The following PTPRT variants were observed in gnomAD, a reference collection of about 807,000 sequenced individuals.
The protein encoded by PTPRT is receptor-type tyrosine-protein phosphatase T.
Under a neutral mutation model 176.8 loss-of-function variants are expected in PTPRT, and 56 were observed. The ratio of observed to expected loss-of-function variants is 0.32; its 90% CI spans 0.26 to 0.40. The LOEUF (loss-of-function observed/expected upper bound fraction) is 0.40, where lower values mean the gene tolerates loss of function less well. PTPRT is among the 10% of genes least tolerant of loss of function. PTPRT has a pLI of 1.00. For missense variants in PTPRT, 1,540 were observed against 1,908.2 expected, an observed-to-expected ratio of 0.81 and a Z score of 3.60; for synonymous variants, 783 against 739.0, an observed-to-expected ratio of 1.06 and a Z score of -0.96.
chr20:43,158,310 T>C (rs544332027), intron 1 of PTPRT, among the ~76,000 whole-genome samples: 1 of 152,278 alleles, frequency 6.6e-6, no homozygotes, highest in East Asian at 1.9e-4. Context: ...TGGAGCTGGT[T>C]TGGAGAATTA....
intron 6 of PTPRT, among the ~76,000 whole-genome samples, chr20:42,730,531 A>G (rs905732632): frequency 6.6e-6 from 1 of 152,226 alleles, no homozygotes; most frequent in Non-Finnish European, 1.5e-5. Flanking sequence ...GGAAGAGAGG[A>G]ACAGAGCAGT....
the PTPRT span, among the ~76,000 whole-genome samples, chr20:42,056,798 G>A: frequency 2.8e-4 from 43 of 152,310 alleles, 1 homozygote; most frequent in Admixed American, 1.2e-3. Context: ...AGCATAATCT[G>A]GGGCTGTCTT....
Position 42,870,453 on chromosome 20 carries a change from T to G in PTPRT, c.214+15354A>C, listed in dbSNP as rs149135887. ...TCCATCTCTTGGCTACTGTGAATAA[T>G]GCTACAATTAACGAGTGTGTAAATA... On this transcript the variant is annotated intron_variant, in intron 2 of 30. Coordinates refer to ENST00000373187, the MANE Select transcript of PTPRT (RefSeq NM_007050.6). 3.7e-3 allele frequency among the ~76,000 whole-genome samples: 568 copies of G among 152,378 alleles called. 7 individuals carry two copies. The highest frequency in any genetic ancestry group is 0.023 in the South Asian group (110 of 4,826).
intron 1 of PTPRT, among the ~76,000 whole-genome samples, chr20:43,162,970 C>T (rs1334847869): frequency 6.6e-6 from 1 of 152,200 alleles, no homozygotes; most frequent in Non-Finnish European, 1.5e-5. Context: ...CGGTGAGCTC[C>T]TTGAGGACAG....
At position 42,080,396 on chromosome 20, in the gene PTPRT, T is replaced by G. The variant is rs1983201923; in HGVS notation, c.*483A>C. The stretch of plus-strand genomic sequence containing the variant: ...GCAAATGTCTGGTGCCAGAGGCCCC[T>G]GAAGGAGGTTGCAGGGGGCAGCAGA... On this transcript the variant is annotated 3_prime_UTR_variant, in exon 31 of 31. Coordinates refer to ENST00000373187, the MANE Select transcript of PTPRT (RefSeq NM_007050.6). 4.3e-6 allele frequency: 1 copy of G among 233,370 alleles called. No individual in the cohort carries two copies. The allele number at this position is 233,370 out of a possible 1,614,324, so 14.5% of individuals were successfully genotyped here. A position where few individuals can be genotyped will look rare whatever the true frequency, so the allele number is the denominator to read the frequency against.
At chr20:42,465,093 T>C (rs544859628) in intron 8 of PTPRT, among the ~76,000 whole-genome samples, 10 of 151,920 alleles carry the variant, frequency 6.6e-5, no homozygotes, top group African/African-American at 2.4e-4. Context: ...ATCAATTACA[T>C]TATATGTAAT....
rs754609148 is a variant in PTPRT at position 42,104,698 on chromosome 20, G to A, written c.3411C>T (p.His1137=). Residue 1137 remains histidine (H), a synonymous_variant, in exon 25 of 31, where the codon CAC becomes CAT. Coordinates refer to ENST00000373187, the MANE Select transcript of PTPRT (RefSeq NM_007050.6). ...VQTEEQYVFV[H]DAILEACLCG... ...AGAGGCACGCTTCCAGGATGGCATC[G>A]TGCACAAACACATATTGCTCCTGCA... The A allele has an allele frequency of 1.5e-5, 24 of 1,586,266 alleles. No homozygotes were observed. The highest frequency in any genetic ancestry group is 6.7e-5 in the African/African-American group (5 of 74,304).
chr20:42,980,560 GTC>G (rs760435993), intron 1 of PTPRT, among the ~76,000 whole-genome samples: 3 of 152,194 alleles, frequency 2.0e-5, no homozygotes, highest in Admixed American at 6.5e-5. Context: ...TGCCTAAGCT[GTC>G]TCTAAATGGT....
chr20:42,425,045 G>A (rs558802179), intron 9 of PTPRT, among the ~76,000 whole-genome samples: 2 of 152,152 alleles, frequency 1.3e-5, no homozygotes, highest in East Asian at 1.9e-4. Flanking sequence ...GGTTGAGGGG[G>A]AAGAAAGGCC....
At chr20:43,126,585 C>T (rs899721177) in intron 1 of PTPRT, among the ~76,000 whole-genome samples, 3 of 152,202 alleles carry the variant, frequency 2.0e-5, no homozygotes, top group Non-Finnish European at 4.4e-5. Flanking sequence ...TTTTCTTCAA[C>T]TGTCCCTTTT....
At chr20:42,270,493 G>C in intron 13 of PTPRT, 1 of 1,537,898 alleles carries the variant, frequency 6.5e-7, no homozygotes, top group Non-Finnish European at 8.8e-7. Context: ...GCATGCAGAA[G>C]AGAAGGAGAG....
At chr20:43,130,721 C>T (rs1301226119) in intron 1 of PTPRT, among the ~76,000 whole-genome samples, 3 of 150,992 alleles carry the variant, frequency 2.0e-5, no homozygotes, top group African/African-American at 4.9e-5. Context: ...GAAAAAGAGG[C>T]CAAGGGCTCT....
At chr20:42,153,188 T>C (rs1425858553) in intron 17 of PTPRT, among the ~76,000 whole-genome samples, 1 of 152,266 alleles carries the variant, frequency 6.6e-6, no homozygotes. Flanking sequence ...GAGCTTTCTT[T>C]AAAGCAGCAT....
At chr20:42,454,393 T>A (rs1333514242) in intron 8 of PTPRT, among the ~76,000 whole-genome samples, 1 of 152,232 alleles carries the variant, frequency 6.6e-6, no homozygotes, top group East Asian at 1.9e-4. Context: ...AGGGCTTATC[T>A]ATCTTTGTTT....
chr20:42,336,372 T>A (rs1420897785), intron 11 of PTPRT, among the ~76,000 whole-genome samples: 1 of 152,110 alleles, frequency 6.6e-6, no homozygotes, highest in Non-Finnish European at 1.5e-5. Context: ...ACATTGCCAA[T>A]TCCCAGAAGA....
At chr20:43,107,703 C>T (rs926260675) in intron 1 of PTPRT, among the ~76,000 whole-genome samples, 1 of 152,112 alleles carries the variant, frequency 6.6e-6, no homozygotes, top group Non-Finnish European at 1.5e-5. Flanking sequence ...AATCTAAACA[C>T]AAGAAGAGGA....
chr20:42,948,615 C>CAA (rs140785965), intron 1 of PTPRT, among the ~76,000 whole-genome samples: 9 of 150,204 alleles, frequency 6.0e-5, no homozygotes, highest in African/African-American at 2.2e-4. Flanking sequence ...CCAGCTCACA[C>CAA]AAAAAAAAAT....
At chr20:42,808,226 C>T (rs1296014854) in intron 2 of PTPRT, among the ~76,000 whole-genome samples, 1 of 152,218 alleles carries the variant, frequency 6.6e-6, no homozygotes, top group East Asian at 1.9e-4. Context: ...CCTTCCATAG[C>T]TGCTAGTCCA....
chr20:42,484,400 G>T (rs1402217162), intron 7 of PTPRT, among the ~76,000 whole-genome samples: 1 of 152,178 alleles, frequency 6.6e-6, no homozygotes, highest in African/African-American at 2.4e-5. Flanking sequence ...GCATGTATCT[G>T]TTGAGCATTA....
Sources: allele counts gnomAD v4.1 joint callset (sites outside exome capture counted in the v4.1 genomes callset), GRCh38; gene constraint gnomAD v4.1.1; transcripts MANE v1.5; gene names NCBI Gene and HGNC (gene_info 2026-07-23, HGNC 2026-07-21).